Variants in EIF5B observed in about 807,000 individuals in gnomAD.
The protein encoded by EIF5B is eIF-5B.
In EIF5B, 47 loss-of-function variants were observed where a neutral mutation model predicts 147.5. The observed-to-expected ratio is 0.32, with a 90% CI of 0.25 to 0.41. The LOEUF is 0.41. Among genes scored for constraint, EIF5B ranks in the 10% least tolerant of loss-of-function variants. The pLI is 1.00. For missense variants in EIF5B, 1,064 were observed against 1,413.2 expected, an observed-to-expected ratio of 0.75 and a Z score of 3.96; for synonymous variants, 455 against 456.2, an observed-to-expected ratio of 1.00 and a Z score of 0.03.
intron 1 of EIF5B, among the ~76,000 whole-genome samples, chr2:99,339,239 C>A (rs2094253423): frequency 6.6e-6 from 1 of 151,612 alleles, no homozygotes. Context: ...TCTCGAACTC[C>A]CGACCTCAGG....
chr2:99,338,031 C>G (rs1181322982), intron 1 of EIF5B, among the ~76,000 whole-genome samples: 1 of 152,184 alleles, frequency 6.6e-6, no homozygotes, highest in African/African-American at 2.4e-5. Context: ...TTTCTCTACT[C>G]GCGGTTTCAG....
In EIF5B at chr2:99,362,902, G is replaced by A. The variant is rs186172643; in HGVS notation, c.920-743G>A. Among the ~76,000 whole-genome samples, 976 of 151,114 alleles carry A rather than the reference G, an allele frequency of 6.5e-3. 1 individual carries two copies. The highest frequency in any genetic ancestry group is 0.01 in the Non-Finnish European group (700 of 67,806). On this transcript the variant is annotated intron_variant, in intron 4 of 23. Coordinates refer to ENST00000289371, the MANE Select transcript of EIF5B (RefSeq NM_015904.4). The stretch of plus-strand genomic sequence containing the variant: ...GCCTCCCAAGTAGCTGGGATTACAG[G>A]AGCCCGCCACCATGCCCGGCTAATT...
At chr2:99,385,622 C>T (rs1348913804) in intron 14 of EIF5B, among the ~76,000 whole-genome samples, 1 of 152,154 alleles carries the variant, frequency 6.6e-6, no homozygotes, top group Non-Finnish European at 1.5e-5. Context: ...TAATAGACTA[C>T]AATATAGTAT....
At chr2:99,355,644 A>T (rs1464924210) in intron 1 of EIF5B, among the ~76,000 whole-genome samples, 3 of 113,120 alleles carry the variant, frequency 2.7e-5, no homozygotes, top group African/African-American at 1.1e-4. Context: ...ACAGAGTCTC[A>T]TTCTGTCGCC....
chr2:99,361,447 T>G lies in EIF5B; in HGVS notation c.546T>G (p.Ser182=), dbSNP rs774121095. Reference sequence around the variant, plus strand: ...TTAAAGAGCGTTCAAGAATAAATTCTTCTGGTGAAAGTGGTGATGAATCAG... The same window carrying G: ...TTAAAGAGCGTTCAAGAATAAATTCGTCTGGTGAAAGTGGTGATGAATCAG... ...KKIKERSRIN[S]SGESGDESDE... The change falls in exon 4 of 24, where the codon TCT becomes TCG. Residue 182 remains serine, a synonymous_variant. Coordinates refer to ENST00000289371, the MANE Select transcript of EIF5B (RefSeq NM_015904.4). 6 of 1,614,054 alleles carry G rather than the reference T, an allele frequency of 3.7e-6. No homozygotes were observed. In the South Asian group the frequency reaches 6.6e-5, roughly 18 times the overall value.
chr2:99,386,444 T>C (rs963911003), intron 14 of EIF5B, among the ~76,000 whole-genome samples: 7 of 149,740 alleles, frequency 4.7e-5, no homozygotes, highest in Non-Finnish European at 7.4e-5. Context: ...GGACTTGGTT[T>C]TTCATTTTCT....
intron 12 of EIF5B, among the ~76,000 whole-genome samples, chr2:99,379,716 TC>T: frequency 6.6e-6 from 1 of 152,304 alleles, no homozygotes; most frequent in Non-Finnish European, 1.5e-5. Context: ...ATACCATTTA[TC>T]CCCATAATTT....
chr2:99,375,750 C>T (rs1251103250), intron 9 of EIF5B, among the ~76,000 whole-genome samples: 1 of 152,138 alleles, frequency 6.6e-6, no homozygotes, highest in Non-Finnish European at 1.5e-5. Context: ...AGACAAACAC[C>T]TTGCGTTTAT....
At chr2:99,354,668 G>A (rs1674054543) in intron 1 of EIF5B, among the ~76,000 whole-genome samples, 1 of 152,006 alleles carries the variant, frequency 6.6e-6, no homozygotes, top group South Asian at 2.1e-4. Context: ...TATATCTTGG[G>A]TTCACTCTTG....
intron 9 of EIF5B, among the ~76,000 whole-genome samples, chr2:99,375,887 A>T (rs1674555271): frequency 6.6e-6 from 1 of 152,224 alleles, no homozygotes; most frequent in South Asian, 2.1e-4. Flanking sequence ...GGATATGCTC[A>T]TTGGAGCATT....
chr2:99,396,862 G>C lies in EIF5B; in HGVS notation c.3357G>C (p.Val1119=), dbSNP rs1675059765. 1 of 1,611,174 alleles carries C rather than the reference G, an allele frequency of 6.2e-7. No individual in the cohort carries two copies. The highest frequency in any genetic ancestry group is 8.5e-7 in the Non-Finnish European group (1 of 1,179,302). ...VMGVTVEAGQ[V]KQGTPMCVPS... The stretch of plus-strand genomic sequence containing the variant: ...GGGTGACGGTGGAAGCAGGTCAGGT[G>C]AAACAGGGGACACCCATGTGTGTCC... The change falls in exon 22 of 24, where the codon GTG becomes GTC. Residue 1119 remains valine (V), a synonymous_variant. Coordinates refer to ENST00000289371, the MANE Select transcript of EIF5B (RefSeq NM_015904.4).
At chr2:99,394,454 G>A (rs1574942304) in intron 19 of EIF5B, 55 bp from the exon 20 acceptor site, 1 of 1,613,236 alleles carries the variant, frequency 6.2e-7, no homozygotes, top group East Asian at 2.2e-5. Context: ...GGTTTTTGGT[G>A]CCATCGCCAT....
chr2:99,363,787 A>G lies in EIF5B; in HGVS notation c.1062A>G (p.Glu354=), dbSNP rs1048072889. 1.9e-6 allele frequency: 3 copies of G among 1,614,076 alleles called. No homozygotes were observed. Among genetic ancestry groups the G allele is most frequent in the Admixed American group, 1.7e-5 (1 of 60,006 alleles). The part of the protein sequence containing the change: ...MQEALAKLKE[E]EERQKREEEE... ...AAGCTCTGGCTAAGCTTAAAGAGGA[A>G]GAAGAAAGACAGAAGAGAGAAGAGG... The change falls in exon 5 of 24, where the codon GAA becomes GAG. Residue 354 remains glutamate (E), a synonymous_variant. Coordinates refer to ENST00000289371, the MANE Select transcript of EIF5B (RefSeq NM_015904.4).
At position 99,399,402 on chromosome 2, in the gene EIF5B, T is replaced by G; in HGVS notation, c.3651T>G (p.Phe1217Leu). 6.2e-7 allele frequency: 1 copy of G among 1,614,060 alleles called. No individual in the cohort carries two copies. Among genetic ancestry groups the G allele is most frequent in the Non-Finnish European group, 8.5e-7 (1 of 1,179,980 alleles). ...WQLIVELKKV[F>L]EII is the part of the protein sequence containing the mutation. ...TTATTGTGGAGCTGAAGAAAGTATT[T>G]GAAATCATCTAATTTTTTCACATGG... is the stretch of plus-strand genomic sequence containing the variant. The change falls in exon 24 of 24, where the codon TTT (phenylalanine) becomes TTG (leucine). Residue 1217 changes from phenylalanine to leucine, a missense_variant. Phe to Leu is a conservative substitution (Grantham distance 22). Transcript: ENST00000289371.
chr2:99,359,590 C>T (rs1194657224), intron 1 of EIF5B, among the ~76,000 whole-genome samples: 3 of 152,004 alleles, frequency 2.0e-5, no homozygotes, highest in Non-Finnish European at 4.4e-5. Context: ...TGGTAGGTGA[C>T]GACATTGTTG....
At position 99,398,770 on chromosome 2, in the gene EIF5B, C is replaced by G. The variant is rs776174973; in HGVS notation, c.3416C>G (p.Thr1139Arg). 2 of 1,612,280 alleles carry G rather than the reference C, an allele frequency of 1.2e-6. No individual in the cohort carries two copies. The highest frequency in any genetic ancestry group is 1.7e-5 in the Admixed American group (1 of 59,766). The change falls in exon 23 of 24, where the codon ACA (threonine) becomes AGA (arginine). Residue 1139 changes from threonine to arginine, a missense_variant. Physicochemically the swap from Thr to Arg is moderately conservative, Grantham distance 71 (BLOSUM62 -1). Coordinates refer to ENST00000289371, the MANE Select transcript of EIF5B (RefSeq NM_015904.4). ...SKNFVDIGIV[T>R]SIEINHKQVD... ...TAGTTTGTTGACATCGGAATAGTAACAAGTATTGAAATAAACCATAAACAA... is the reference window on the plus strand; with the variant it reads ...TAGTTTGTTGACATCGGAATAGTAAGAAGTATTGAAATAAACCATAAACAA...
At chr2:99,353,777 T>C (rs1212325436) in intron 1 of EIF5B, among the ~76,000 whole-genome samples, 2 of 152,210 alleles carry the variant, frequency 1.3e-5, no homozygotes, top group African/African-American at 2.4e-5. Flanking sequence ...GAATTAAGTA[T>C]ATATATGACC....
intron 1 of EIF5B, among the ~76,000 whole-genome samples, chr2:99,356,269 C>T (rs1320345060): frequency 6.6e-6 from 1 of 152,186 alleles, no homozygotes; most frequent in Non-Finnish European, 1.5e-5. Context: ...CAGATTTCTA[C>T]ATTATAATGT....
chr2:99,341,324 T>A (rs1373297287), intron 1 of EIF5B, among the ~76,000 whole-genome samples: 1 of 152,258 alleles, frequency 6.6e-6, no homozygotes, highest in Non-Finnish European at 1.5e-5. Flanking sequence ...TCTAGCCTGT[T>A]CCTATCCTGA....
Sources: gnomAD v4.1 joint callset for allele counts (sites outside exome capture counted in the v4.1 genomes callset) on GRCh38, gnomAD v4.1.1 for gene constraint, MANE v1.5 for transcripts, NCBI Gene and HGNC (gene_info 2026-07-23, HGNC 2026-07-21) for gene names.